Variants in ADAMTS20 observed in about 807,000 individuals in gnomAD.
ADAMTS20 encodes A disintegrin and metalloproteinase with thrombospondin motifs 20.
Under a neutral mutation model 260.1 loss-of-function variants are expected in ADAMTS20, and 225 were observed. That is an observed-to-expected ratio of 0.87 (90% CI 0.78 to 0.97). The LOEUF (loss-of-function observed/expected upper bound fraction) is 0.97. Ranked by LOEUF, ADAMTS20 falls within the 50% of genes least tolerant of loss-of-function variation. The pLI, the probability that ADAMTS20 is intolerant of heterozygous loss-of-function variation, is 0.00. For synonymous variants in ADAMTS20, 802 were observed against 769.5 expected (o/e 1.04, Z -0.70); for missense variants, 2,400 against 2,337.7 (o/e 1.03, Z -0.55).
chr12:43,392,188 G>A (rs749426602), intron 29 of ADAMTS20, among the ~76,000 whole-genome samples: 11 of 152,112 alleles, frequency 7.2e-5, no homozygotes, highest in Middle Eastern at 3.4e-3. Context: ...GTAGTTTAAC[G>A]TAAATGAATC....
intron 3 of ADAMTS20, among the ~76,000 whole-genome samples, chr12:43,528,099 A>C (rs1323010731): frequency 6.6e-6 from 1 of 151,984 alleles, no homozygotes; most frequent in Non-Finnish European, 1.5e-5. Flanking sequence ...TAGCTGCAAA[A>C]AATAAAATAA....
At chr12:43,452,856 T>A (rs1439710783) in intron 12 of ADAMTS20, among the ~76,000 whole-genome samples, 161 bp from the exon 13 acceptor site, 1 of 152,200 alleles carries the variant, frequency 6.6e-6, no homozygotes, top group Admixed American at 6.5e-5. Flanking sequence ...ATTCTATGCA[T>A]AATGAACCAC....
chr12:43,423,858 A>C, intron 28 of ADAMTS20: 2 of 722,866 alleles, frequency 2.8e-6, no homozygotes, highest in Non-Finnish European at 5.1e-6. Context: ...CCATGGCAAA[A>C]TATGTTTTTC....
intron 14 of ADAMTS20, among the ~76,000 whole-genome samples, chr12:43,448,694 A>C (rs541651902): frequency 6.6e-6 from 1 of 152,342 alleles, no homozygotes; most frequent in East Asian, 1.9e-4. Context: ...CAACAGAGTA[A>C]ATAGACAATC....
chr12:43,450,925 C>G (rs1481456419), intron 14 of ADAMTS20, among the ~76,000 whole-genome samples: 1 of 152,082 alleles, frequency 6.6e-6, no homozygotes, highest in Non-Finnish European at 1.5e-5. Flanking sequence ...GATCCAGCAA[C>G]CTCACTACTT....
At chr12:43,474,424 G>C (rs1285291867) in intron 7 of ADAMTS20, among the ~76,000 whole-genome samples, 1 of 150,878 alleles carries the variant, frequency 6.6e-6, no homozygotes, top group Non-Finnish European at 1.5e-5. Context: ...GGAGGAACTG[G>C]TACCATTCCT....
At chr12:43,388,752 T>A (rs1324274845) in intron 29 of ADAMTS20, among the ~76,000 whole-genome samples, 1 of 152,202 alleles carries the variant, frequency 6.6e-6, no homozygotes, top group Admixed American at 6.5e-5. Flanking sequence ...TCTTAGTCTG[T>A]TCAGGCTGCT....
At position 43,427,241 on chromosome 12, in the gene ADAMTS20, G is replaced by T. The variant is rs141936522; in HGVS notation, c.4107+67C>A. 1,437 of 1,534,774 alleles carry T rather than the reference G, an allele frequency of 9.4e-4. 14 individuals are homozygous for T. In the African/African-American group the frequency reaches 0.017, roughly 18 times the overall value. On this transcript the variant is annotated intron_variant, in intron 27 of 38. Coordinates refer to ENST00000389420, the MANE Select transcript of ADAMTS20 (RefSeq NM_025003.5). ...GAAATCAGATTATTGAACAGTATAA[G>T]ATGCTTTTTACTTTCAGTCTTCAGA...
At chr12:43,370,931 G>T (rs759970909) in intron 36 of ADAMTS20, among the ~76,000 whole-genome samples, 1 of 151,906 alleles carries the variant, frequency 6.6e-6, no homozygotes, top group Non-Finnish European at 1.5e-5. Context: ...TGTTACATTC[G>T]CTTCCTAATC....
At chr12:43,550,588 C>G (rs963863923) in intron 2 of ADAMTS20, among the ~76,000 whole-genome samples, 4 of 152,176 alleles carry the variant, frequency 2.6e-5, no homozygotes, top group Admixed American at 2.6e-4. Flanking sequence ...AGTCAAACAG[C>G]CTGCCCTCCA....
intron 28 of ADAMTS20, among the ~76,000 whole-genome samples, chr12:43,409,825 A>G (rs1286171412): frequency 2.0e-5 from 3 of 152,154 alleles, no homozygotes; most frequent in African/African-American, 4.8e-5. Context: ...AAGTCACTTC[A>G]CCAGAAACTG....
At chr12:43,400,309 ATGCATATTG>A (rs1009299259) in intron 28 of ADAMTS20, among the ~76,000 whole-genome samples, 1 of 152,022 alleles carries the variant, frequency 6.6e-6, no homozygotes, top group Admixed American at 6.6e-5. Context: ...TATGCATTTT[ATGCATATTG>A]TGAACTCATA....
chr12:43,511,677 T>C (rs943389189), intron 3 of ADAMTS20, among the ~76,000 whole-genome samples: 1 of 152,104 alleles, frequency 6.6e-6, no homozygotes, highest in African/African-American at 2.4e-5. Flanking sequence ...CAAAGACAGA[T>C]ATGTGCTCTT....
At chr12:43,509,994 C>A (rs907095061) in intron 3 of ADAMTS20, among the ~76,000 whole-genome samples, 1 of 152,006 alleles carries the variant, frequency 6.6e-6, no homozygotes, top group African/African-American at 2.4e-5. Flanking sequence ...GAAAGCCTTG[C>A]ATAACTGAAA....
intron 15 of ADAMTS20, among the ~76,000 whole-genome samples, chr12:43,445,801 A>G (rs1941749686): frequency 6.6e-6 from 1 of 152,154 alleles, no homozygotes; most frequent in Admixed American, 6.5e-5. Context: ...GCAATGAGCT[A>G]TGATTGTGCC....
At chr12:43,379,658 A>G (rs1298966788) in intron 31 of ADAMTS20, among the ~76,000 whole-genome samples, 1 of 152,220 alleles carries the variant, frequency 6.6e-6, no homozygotes, top group Non-Finnish European at 1.5e-5. Context: ...ATAGCTGACA[A>G]CTAAACTAAG....
At chr12:43,512,355 T>C (rs1480692819) in intron 3 of ADAMTS20, among the ~76,000 whole-genome samples, 2 of 149,920 alleles carry the variant, frequency 1.3e-5, no homozygotes, top group Non-Finnish European at 1.5e-5. Context: ...TATATGAGGA[T>C]ATTATTATTA....
intron 7 of ADAMTS20, among the ~76,000 whole-genome samples, chr12:43,480,607 G>A (rs1942427007): frequency 6.6e-6 from 1 of 152,066 alleles, no homozygotes; most frequent in African/African-American, 2.4e-5. Flanking sequence ...TATACATAAT[G>A]GAACACAATT....
At chr12:43,518,233 T>C (rs1371645918) in intron 3 of ADAMTS20, among the ~76,000 whole-genome samples, 1 of 152,130 alleles carries the variant, frequency 6.6e-6, no homozygotes, top group Non-Finnish European at 1.5e-5. Flanking sequence ...AAGTTTTACT[T>C]ATGCAAATAT....
Sources: gnomAD v4.1 joint callset for allele counts (sites outside exome capture counted in the v4.1 genomes callset) on GRCh38, gnomAD v4.1.1 for gene constraint, MANE v1.5 for transcripts, NCBI Gene and HGNC (gene_info 2026-07-23, HGNC 2026-07-21) for gene names.